Variants in DIP2C observed in about 807,000 individuals in gnomAD.
DIP2C encodes the protein disco-interacting protein 2 homolog C.
A neutral mutation model predicts 192.4 loss-of-function variants in DIP2C; 33 were observed. That is an observed-to-expected ratio of 0.17 (90% CI 0.13 to 0.23). The LOEUF (loss-of-function observed/expected upper bound fraction) is 0.23. DIP2C is among the 10% of genes least tolerant of loss of function. The pLI, the probability that DIP2C is intolerant of heterozygous loss-of-function variation, is 1.00. For synonymous variants in DIP2C, 979 were observed against 864.1 expected (o/e 1.13, Z -2.33); for missense variants, 1,537 against 2,110.1 (o/e 0.73, Z 5.32).
chr10:408,680 G>A (rs757165282), intron 9 of DIP2C, among the ~76,000 whole-genome samples: 39 of 152,184 alleles, frequency 2.6e-4, no homozygotes, highest in Non-Finnish European at 4.3e-4. Context: ...TCTATACCAA[G>A]CTCCACATCT....
intron 1 of DIP2C, among the ~76,000 whole-genome samples, chr10:528,885 A>ACTT (rs965536272): frequency 5.9e-5 from 9 of 152,284 alleles, no homozygotes; most frequent in African/African-American, 1.9e-4. Flanking sequence ...TCACTGTGGA[A>ACTT]CTTCCTAGGT....
chr10:493,934 A>C (rs996735837), intron 1 of DIP2C, among the ~76,000 whole-genome samples: 4 of 152,192 alleles, frequency 2.6e-5, no homozygotes, highest in Admixed American at 6.5e-5. Flanking sequence ...CCGCCGTCCT[A>C]CCTCCAACTA....
At chr10:545,743 TA>T (rs1848251978) in intron 1 of DIP2C, among the ~76,000 whole-genome samples, 1 of 152,208 alleles carries the variant, frequency 6.6e-6, no homozygotes, top group African/African-American at 2.4e-5. Context: ...CATTTTGAGC[TA>T]TTTTTTTGTG....
chr10:673,023 T>C (rs1256617438), intron 1 of DIP2C, among the ~76,000 whole-genome samples: 2 of 152,188 alleles, frequency 1.3e-5, no homozygotes, highest in African/African-American at 4.8e-5. Flanking sequence ...GCTAAGGAAA[T>C]GTGCAGTGTA....
chr10:575,146 A>G lies in DIP2C; in HGVS notation c.86-88616T>C, dbSNP rs538145730. Among the ~76,000 whole-genome samples, 26 of 152,332 alleles carry G rather than the reference A, an allele frequency of 1.7e-4. No homozygotes were observed. The East Asian group carries it at 5.0e-3, about 29-fold the overall frequency. ...ACGTTCTCAACTTTACCTTCGCCAA[A>G]AACAGCGGAAAAGCAAAACTACTCC... On this transcript the variant is annotated intron_variant, in intron 1 of 36. Coordinates refer to ENST00000280886, the MANE Select transcript of DIP2C (RefSeq NM_014974.3).
At chr10:336,600 G>T (rs1008362443) in intron 29 of DIP2C, among the ~76,000 whole-genome samples, 1 of 152,218 alleles carries the variant, frequency 6.6e-6, no homozygotes, top group African/African-American at 2.4e-5. Flanking sequence ...ACTGGTTTAT[G>T]AATTTACTGT....
chr10:414,661 T>C (rs1256078930), intron 7 of DIP2C, among the ~76,000 whole-genome samples: 1 of 149,436 alleles, frequency 6.7e-6, no homozygotes, highest in East Asian at 2.0e-4. Context: ...TAGCTAGGAC[T>C]ACAGGCATGC....
At chr10:295,471 G>A (rs1036405174) in intron 32 of DIP2C, among the ~76,000 whole-genome samples, 4 of 150,926 alleles carry the variant, frequency 2.7e-5, no homozygotes, top group Admixed American at 6.6e-5. Flanking sequence ...TGAGGCAGGA[G>A]AATGGCATGA....
At chr10:530,947 T>C (rs1465803236) in intron 1 of DIP2C, among the ~76,000 whole-genome samples, 1 of 152,156 alleles carries the variant, frequency 6.6e-6, no homozygotes, top group Non-Finnish European at 1.5e-5. Flanking sequence ...AGACTCCCGA[T>C]GCCGGCCGAC....
intron 32 of DIP2C, among the ~76,000 whole-genome samples, chr10:305,456 T>G (rs1219814205): frequency 6.6e-6 from 1 of 152,226 alleles, no homozygotes; most frequent in Non-Finnish European, 1.5e-5. Flanking sequence ...ACTTCTATTC[T>G]GTGGCCCCTG....
chr10:296,331 CAAT>C (rs1564518976), intron 32 of DIP2C, among the ~76,000 whole-genome samples: 1 of 151,948 alleles, frequency 6.6e-6, no homozygotes, highest in Non-Finnish European at 1.5e-5. Flanking sequence ...ATCAAAACCA[CAAT>C]GAGATACCAT....
At chr10:649,904 C>T (rs1412115769) in intron 1 of DIP2C, 2 of 577,080 alleles carry the variant, frequency 3.5e-6, no homozygotes, top group South Asian at 2.1e-5. Flanking sequence ...GGGGGGTGCC[C>T]GTCACCTGCG....
At position 624,936 on chromosome 10, in the gene DIP2C, C is replaced by G. The variant is rs577371098; in HGVS notation, c.85+64558G>C. On this transcript the variant is annotated intron_variant, in intron 1 of 36. Transcript: ENST00000280886. ...CCCACGAGCAAACGAGGGAGGCGCT[C>G]GGTGCCCTGAAGGCCCCGCTGCACC... Among the ~76,000 whole-genome samples the G allele has an allele frequency of 3.0e-3, 463 of 152,244 alleles. 1 individual carries two copies. Among genetic ancestry groups the G allele is most frequent in the African/African-American group, 0.01 (431 of 41,540 alleles).
chr10:569,753 G>A (rs528540571), intron 1 of DIP2C, among the ~76,000 whole-genome samples: 23 of 152,314 alleles, frequency 1.5e-4, no homozygotes, highest in African/African-American at 5.5e-4. Context: ...GCAGGCTCAG[G>A]CCCTCCTACC....
intron 1 of DIP2C, among the ~76,000 whole-genome samples, chr10:487,631 G>A (rs765848763): frequency 6.2e-5 from 8 of 129,190 alleles, no homozygotes; most frequent in Non-Finnish European, 1.3e-4. Flanking sequence ...AGGCTGGAGT[G>A]CAGTGGCGTG....
Position 390,723 on chromosome 10 carries a change from G to T in DIP2C, c.1384+17C>A. Reference sequence around the variant, plus strand: ...AAGGACGTGGGCATGCGAGCTCTCGGAGGCTCGGTGGCTTACCTTTAAACT... The same window carrying T: ...AAGGACGTGGGCATGCGAGCTCTCGTAGGCTCGGTGGCTTACCTTTAAACT... On this transcript the variant is annotated intron_variant, in intron 11 of 36. Coordinates refer to ENST00000280886, the MANE Select transcript of DIP2C (RefSeq NM_014974.3). The T allele has an allele frequency of 6.2e-7, 1 of 1,609,810 alleles. No individual in the cohort carries two copies. Among genetic ancestry groups the T allele is most frequent in the Non-Finnish European group, 8.5e-7 (1 of 1,178,200 alleles).
chr10:487,584 T>G (rs1049805424), intron 1 of DIP2C, among the ~76,000 whole-genome samples: 8 of 137,764 alleles, frequency 5.8e-5, no homozygotes, highest in East Asian at 2.2e-4. Flanking sequence ...TTTTTTTTTT[T>G]TTTTTTTTTT....
chr10:626,861 G>C (rs944886887), intron 1 of DIP2C, among the ~76,000 whole-genome samples: 2 of 152,232 alleles, frequency 1.3e-5, no homozygotes. Context: ...CAACTGTTTG[G>C]ACCATTCGTG....
At chr10:454,344 T>C (rs1305167247) in intron 3 of DIP2C, among the ~76,000 whole-genome samples, 1 of 152,208 alleles carries the variant, frequency 6.6e-6, no homozygotes, top group African/African-American at 2.4e-5. Flanking sequence ...ACAGCGTTTC[T>C]TAAAGTACTA....
Sources: allele counts gnomAD v4.1 joint callset (sites outside exome capture counted in the v4.1 genomes callset), GRCh38; gene constraint gnomAD v4.1.1; transcripts MANE v1.5; gene names NCBI Gene and HGNC (gene_info 2026-07-23, HGNC 2026-07-21).